Variants in CD22 observed in about 807,000 individuals in gnomAD.
CD22 encodes the protein B-cell receptor CD22.
In CD22, 51 loss-of-function variants were observed where a neutral mutation model predicts 94.7. The observed-to-expected ratio is 0.54, with a 90% CI of 0.43 to 0.68. The LOEUF is 0.68. Ranked by LOEUF, CD22 falls within the 30% of genes least tolerant of loss-of-function variation. The pLI, the probability that CD22 is intolerant of heterozygous loss-of-function variation, is 0.00. For synonymous variants in CD22, 424 were observed against 422.5 expected, an observed-to-expected ratio of 1.00 and a Z score of -0.04; for missense variants, 931 against 1,060.4, an observed-to-expected ratio of 0.88 and a Z score of 1.69.
intron 3 of CD22, among the ~76,000 whole-genome samples, chr19:35,335,148 G>C (rs1339129597): frequency 6.6e-6 from 1 of 150,992 alleles, no homozygotes; most frequent in African/African-American, 2.4e-5. Context: ...TCAGAAAGCA[G>C]ACATCCGGCA....
rs139372163 is a variant in CD22, at chr19:35,332,740, C to T, written c.228C>T (p.Leu76=). The T allele has an allele frequency of 2.5e-5, 41 of 1,614,002 alleles. No individual in the cohort carries two copies. The African/African-American group carries it at 5.1e-4, about 20-fold the overall frequency. ...CCTCGAAGTTTGATGGGACAAGACT[C>T]TATGAAAGCACAAAGGATGGGAAGG... The part of the protein sequence containing the change: ...KNTSKFDGTR[L]YESTKDGKVP... Residue 76 remains leucine, a synonymous_variant, in exon 3 of 14, where the codon CTC becomes CTT. Coordinates refer to ENST00000085219, the MANE Select transcript of CD22 (RefSeq NM_001771.4).
rs899571260 is a variant in CD22 at position 35,346,733 on chromosome 19, C to T, written c.*36C>T. The T allele has an allele frequency of 3.4e-5, 54 of 1,566,294 alleles. 1 individual carries two copies. In the South Asian group the frequency reaches 5.0e-4, roughly 15 times the overall value. ...GCTGCAGCAGAGGCACTGGGGGCAG[C>T]GGGGGCCAGGGAAGTCCCCGAGTTT... On this transcript the variant is annotated 3_prime_UTR_variant, in exon 14 of 14. Transcript: ENST00000085219.
In CD22 at chr19:35,332,716, CT is replaced by C. The variant is rs767934053; in HGVS notation, c.205del (p.Ser69ArgfsTer36). ...FHNPEYNKNT[S>X]KFDGTRLYES... is the part of the protein sequence containing the mutation. ...ACAATCCTGAGTATAACAAGAACAC[CT>C]CGAAGTTTGATGGGACAAGACTCTA... is the stretch of plus-strand genomic sequence containing the variant. On this transcript the variant is annotated frameshift_variant, in exon 3 of 14. Transcript: ENST00000085219. LOFTEE classifies it high-confidence loss of function. 6.2e-7 allele frequency: 1 copy of C among 1,613,972 alleles called. No homozygotes were observed. The highest frequency in any genetic ancestry group is 8.5e-7 in the Non-Finnish European group (1 of 1,180,036).
In CD22 at chr19:35,345,104, G is replaced by C. The variant is rs778344884; in HGVS notation, c.2186G>C (p.Ser729Thr). Residue 729 changes from serine (S) to threonine (T), a missense_variant, in exon 11 of 14, where the codon AGC becomes ACC. Coordinates refer to ENST00000085219, the MANE Select transcript of CD22 (RefSeq NM_001771.4). The stretch of plus-strand genomic sequence containing the variant: ...CTTCAGGAGAATTCCAGCGGCCAGA[G>C]CTTCTTTGTGAGGAATAAAAAGGTA... ...QGLQENSSGQ[S>T]FFVRNKKVRR... 1.2e-6 allele frequency: 2 copies of C among 1,613,926 alleles called. No homozygotes were observed. Among genetic ancestry groups the C allele is most frequent in the African/African-American group, 2.7e-5 (2 of 74,954 alleles).
intron 3 of CD22, among the ~76,000 whole-genome samples, chr19:35,333,356 C>G (rs191789840): frequency 1.3e-5 from 2 of 152,198 alleles, no homozygotes; most frequent in African/African-American, 4.8e-5. Flanking sequence ...TCGCTCACCC[C>G]AAACTTAGGG....
chr19:35,336,202 G>A lies in CD22; in HGVS notation c.579G>A (p.Leu193=), dbSNP rs931742592. 1 of 1,614,214 alleles carries A rather than the reference G, an allele frequency of 6.2e-7. No homozygotes were observed. The highest frequency in any genetic ancestry group is 8.5e-7 in the Non-Finnish European group (1 of 1,180,032). ...AGGCTGCTGTCACCTCGACCTCCTT[G>A]ACCATCAAGTCTGTCTTCACCCGGA... ...MRQAAVTSTS[L]TIKSVFTRSE... The change falls in exon 4 of 14, where the codon TTG becomes TTA. Residue 193 remains leucine, a synonymous_variant. Coordinates refer to ENST00000085219, the MANE Select transcript of CD22 (RefSeq NM_001771.4).
At chr19:35,336,749 G>A (rs576334002) in intron 4 of CD22, 19 of 195,048 alleles carry the variant, frequency 9.7e-5, no homozygotes, top group African/African-American at 3.3e-4. Flanking sequence ...TGCCCCACGC[G>A]GAGCCAGCGC....
chr19:35,344,570 A>ATGCGGG (rs1480189722), intron 9 of CD22, among the ~76,000 whole-genome samples: 1 of 152,190 alleles, frequency 6.6e-6, no homozygotes, highest in Non-Finnish European at 1.5e-5. Context: ...GCACCCATTT[A>ATGCGGG]TGCGGGTGCG....
rs974096732 is a variant in CD22 at position 35,337,573 on chromosome 19, G to T, written c.719-182G>T. ...GTGTTAGGAACCCTGCGTGCTGCTG[G>T]TGGAGACCAAGAAGTAGAGGAAGTG... On this transcript the variant is annotated intron_variant, in intron 4 of 13. Transcript: ENST00000085219. The surrounding 1 kb of genome is among the most constrained non-coding windows in gnomAD (Gnocchi z 4.4). 1.3e-5 allele frequency among the ~76,000 whole-genome samples: 2 copies of T among 152,200 alleles called. No individual in the cohort carries two copies. The highest frequency in any genetic ancestry group is 2.9e-5 in the Non-Finnish European group (2 of 68,044).
intron 9 of CD22, among the ~76,000 whole-genome samples, chr19:35,342,766 T>G (rs2066835757): frequency 6.6e-6 from 1 of 152,160 alleles, no homozygotes; most frequent in Non-Finnish European, 1.5e-5. Context: ...CTGACTACTC[T>G]GTCTCTCTCA....
intron 2 of CD22, 107 bp from the exon 3 acceptor site, chr19:35,332,440 C>G: frequency 8.4e-7 from 1 of 1,195,064 alleles, no homozygotes; most frequent in Non-Finnish European, 1.1e-6. Flanking sequence ...AGCAAGACCC[C>G]TATCTCTAAA....
intron 6 of CD22, among the ~76,000 whole-genome samples, 185 bp downstream of exon 6, chr19:35,338,616 A>G (rs1744724647): frequency 1.3e-5 from 2 of 151,674 alleles, no homozygotes; most frequent in Admixed American, 1.3e-4. Flanking sequence ...TGCTTGGTAG[A>G]TGCTTGTTTT....
At chr19:35,342,051 T>TTCCC (rs2066821189) in intron 9 of CD22, 86 bp downstream of exon 9, 2 of 1,103,676 alleles carry the variant, frequency 1.8e-6, no homozygotes, top group Non-Finnish European at 2.5e-6. Flanking sequence ...CCTTCCTTCC[T>TTCCC]TCCTTTCTTT....
Position 35,341,170 on chromosome 19 carries a change from GA to G in CD22, c.1507+33del. 6.2e-7 allele frequency: 1 copy of G among 1,612,552 alleles called. No homozygotes were observed. Among genetic ancestry groups the G allele is most frequent in the Non-Finnish European group, 8.5e-7 (1 of 1,178,704 alleles). ...CCCTGGGCTAGGCAGGGGGATCTGG[GA>G]GGTGGCCCGGCTGGGATGAGGGGAT... On this transcript the variant is annotated intron_variant, in intron 7 of 13. Transcript: ENST00000085219. The surrounding 1 kb of genome is among the most constrained non-coding windows in gnomAD (Gnocchi z 4.0).
chr19:35,341,004 C>T lies in CD22; in HGVS notation c.1373C>T (p.Pro458Leu). 6.2e-7 allele frequency: 1 copy of T among 1,614,210 alleles called. No individual in the cohort carries two copies. Among genetic ancestry groups the T allele is most frequent in the Non-Finnish European group, 8.5e-7 (1 of 1,180,036 alleles). ...NPSVTRYEWK[P>L]HGAWEEPSLG... is the part of the protein sequence containing the mutation. The stretch of plus-strand genomic sequence containing the variant: ...AGTGTTACCCGGTATGAATGGAAAC[C>T]CCATGGCGCCTGGGAGGAGCCATCG... The change falls in exon 7 of 14, where the codon CCC (proline) becomes CTC (leucine). Residue 458 changes from proline (P) to leucine (L), a missense_variant. By Grantham distance (98) the Pro-to-Leu change is moderately conservative. Coordinates refer to ENST00000085219, the MANE Select transcript of CD22 (RefSeq NM_001771.4). This position sits in a 1 kb window ranked among gnomAD's most constrained non-coding sequence, Gnocchi z 4.0.
In CD22 at chr19:35,341,036, G is replaced by A. The variant is rs991082304; in HGVS notation, c.1405G>A (p.Val469Met). 15 of 1,614,136 alleles carry A rather than the reference G, an allele frequency of 9.3e-6. No individual in the cohort carries two copies. The highest frequency in any genetic ancestry group is 1.2e-5 in the Non-Finnish European group (14 of 1,180,050). ...CGCCTGGGAGGAGCCATCGCTTGGG[G>A]TGCTGAAGATCCAAAACGTTGGCTG... ...HGAWEEPSLG[V>M]LKIQNVGWDN... Residue 469 changes from valine to methionine, a missense_variant, in exon 7 of 14, where the codon GTG becomes ATG. Transcript: ENST00000085219. The surrounding 1 kb of genome is among the most constrained non-coding windows in gnomAD (Gnocchi z 4.0).
In CD22 at chr19:35,346,812, ACACACG is replaced by A. The variant is rs2145687023; in HGVS notation, c.*121_*126del. 22 of 877,516 alleles carry A rather than the reference ACACACG, an allele frequency of 2.5e-5. No homozygotes were observed. The highest frequency in any genetic ancestry group is 3.1e-5 in the Non-Finnish European group (18 of 582,772). The allele number at this position is 877,516 out of a possible 1,614,324, so 54.4% of individuals were successfully genotyped here. ...TGCGCGCATGTGCGCACACACACAC[ACACACG>A]CACACACACACACACACACTCACTG... On this transcript the variant is annotated 3_prime_UTR_variant, in exon 14 of 14. Coordinates refer to ENST00000085219, the MANE Select transcript of CD22 (RefSeq NM_001771.4).
rs187566490 is a variant in CD22, at chr19:35,341,800, G to A, written c.1870G>A (p.Val624Ile). The A allele has an allele frequency of 7.2e-5, 116 of 1,613,588 alleles. 1 individual carries two copies. The East Asian group carries it at 8.0e-4, about 11-fold the overall frequency. ...LTCESDANPP[V>I]SHYTWFDWNN... ...CTGTGAGAGCGACGCCAACCCTCCC[G>A]TCTCCCACTACACCTGGTTTGACTG... is the stretch of plus-strand genomic sequence containing the variant. Residue 624 changes from valine to isoleucine, a missense_variant, in exon 9 of 14, where the codon GTC becomes ATC. Val to Ile is a conservative substitution (Grantham distance 29, BLOSUM62 3). Transcript: ENST00000085219. This position sits in a 1 kb window ranked among gnomAD's most constrained non-coding sequence, Gnocchi z 4.0.
At chr19:35,342,007 G>GTCCT (rs71167534) in intron 9 of CD22, 42 bp downstream of exon 9, 107,575 of 1,026,018 alleles carry the variant, frequency 0.1, 9,089 homozygotes, top group Admixed American at 0.16. Flanking sequence ...GTGGTGGTCA[G>GTCCT]TCCTTCCTTC....
Sources: gnomAD v4.1 joint callset for allele counts (sites outside exome capture counted in the v4.1 genomes callset) on GRCh38, gnomAD v4.1.1 for gene constraint, Gnocchi (gnomAD v3.1) non-coding constraint, MANE v1.5 for transcripts, NCBI Gene and HGNC (gene_info 2026-07-23, HGNC 2026-07-21) for gene names.